HGSNAT: variants seen among roughly 807,000 people sequenced by gnomAD.
HGSNAT encodes transmembrane protein 76.
In HGSNAT, 59 loss-of-function variants were observed where a neutral mutation model predicts 85.2. The ratio of observed to expected loss-of-function variants is 0.69; its 90% CI spans 0.56 to 0.86. HGSNAT has a LOEUF of 0.86. HGSNAT is among the 40% of genes least tolerant of loss of function. HGSNAT has a pLI of 0.00. For missense variants in HGSNAT, 756 were observed against 777.1 expected (o/e 0.97, Z 0.32); for synonymous variants, 321 against 304.5 (o/e 1.05, Z -0.56).
chr8:43,190,474 C>T (rs1198880256), intron 11 of HGSNAT, among the ~76,000 whole-genome samples: 2 of 152,122 alleles, frequency 1.3e-5, no homozygotes, highest in African/African-American at 4.8e-5. Flanking sequence ...AATGTGTCCT[C>T]TGGCTGTGGA....
chr8:43,151,931 A>C (rs1452960913), intron 2 of HGSNAT, among the ~76,000 whole-genome samples: 1 of 152,198 alleles, frequency 6.6e-6, no homozygotes, highest in African/African-American at 2.4e-5. Context: ...CCTAGCTGTT[A>C]GGTGGCAAAG....
intron 11 of HGSNAT, among the ~76,000 whole-genome samples, chr8:43,188,109 C>A (rs954930348): frequency 6.6e-6 from 1 of 152,118 alleles, no homozygotes; most frequent in African/African-American, 2.4e-5. Context: ...GTGAATCTGA[C>A]AATTATGTGT....
chr8:43,182,584 C>T (rs1490400724), intron 11 of HGSNAT, among the ~76,000 whole-genome samples: 2 of 152,074 alleles, frequency 1.3e-5, no homozygotes, highest in Admixed American at 1.3e-4. Flanking sequence ...GCTGGGACTA[C>T]AGGAGCGCAC....
At chr8:43,144,589 A>G (rs1039684730) in intron 1 of HGSNAT, among the ~76,000 whole-genome samples, 2 of 152,280 alleles carry the variant, frequency 1.3e-5, no homozygotes, top group East Asian at 1.9e-4. Flanking sequence ...TTATCCCACT[A>G]TGTCATACTC....
At chr8:43,198,027 T>C in intron 17 of HGSNAT, 75 bp downstream of exon 17, 4 of 1,069,042 alleles carry the variant, frequency 3.7e-6, no homozygotes, top group Non-Finnish European at 5.6e-6. Flanking sequence ...GGAGCATCCT[T>C]GGTGCTGGGG....
chr8:43,188,327 A>G (rs1804397066), intron 11 of HGSNAT, among the ~76,000 whole-genome samples: 1 of 152,036 alleles, frequency 6.6e-6, no homozygotes, highest in African/African-American at 2.4e-5. Context: ...TATTTCTTGG[A>G]GCTTTGTTCA....
chr8:43,144,156 C>CAA (rs1251061241), intron 1 of HGSNAT, among the ~76,000 whole-genome samples: 1 of 150,754 alleles, frequency 6.6e-6, no homozygotes, highest in Admixed American at 6.6e-5. Flanking sequence ...CCTGTGTCTA[C>CAA]AAAAAAAGAC....
chr8:43,197,984 G>T (rs1207168303), intron 17 of HGSNAT, 32 bp downstream of exon 17: 10 of 1,505,088 alleles, frequency 6.6e-6, no homozygotes, highest in Non-Finnish European at 9.2e-6. Context: ...ACAGAGCTGG[G>T]ATGGTGACCA....
rs554146681 is a variant in HGSNAT at position 43,172,378 on chromosome 8, G to A, written c.812G>A (p.Ser271Asn). The A allele has an allele frequency of 9.3e-5, 149 of 1,601,502 alleles. 1 individual carries two copies. The South Asian group carries it at 1.6e-3, about 17-fold the overall frequency. ...AAATATTGGTACTTCAAACATGCAA[G>A]TTGGAATGGTAAGATATTTCCTAAA... Reference protein sequence around the residue: ...GGKYWYFKHASWNGLTVADLV... With the variant: ...GGKYWYFKHANWNGLTVADLV... Residue 271 changes from serine (S) to asparagine (N), a missense_variant, in exon 8 of 18, where the codon AGT becomes AAT. Physicochemically the swap from Ser to Asn is conservative, Grantham distance 46. Transcript: ENST00000379644.
At chr8:43,196,507 C>G (rs781262935) in intron 14 of HGSNAT, 27 of 1,290,074 alleles carry the variant, frequency 2.1e-5, no homozygotes, top group Middle Eastern at 2.1e-4. Flanking sequence ...TCTTTGGGCC[C>G]TGCCTGGAAG....
At chr8:43,172,599 A>AG (rs1360045023) in intron 8 of HGSNAT, among the ~76,000 whole-genome samples, 1 of 152,182 alleles carries the variant, frequency 6.6e-6, no homozygotes, top group African/African-American at 2.4e-5. Context: ...GTGAATCTGT[A>AG]AAGCTTCACT....
At chr8:43,166,229 C>T (rs2130734630) in intron 5 of HGSNAT, among the ~76,000 whole-genome samples, 1 of 152,260 alleles carries the variant, frequency 6.6e-6, no homozygotes, top group African/African-American at 2.4e-5. Flanking sequence ...GCAAGTTATC[C>T]AGAAGATCCA....
At position 43,159,131 on chromosome 8, in the gene HGSNAT, T is replaced by C. The variant is rs1194898914; in HGVS notation, c.493+87T>C. 3 of 1,372,082 alleles carry C rather than the reference T, an allele frequency of 2.2e-6. No individual in the cohort carries two copies. In the African/African-American group the frequency reaches 4.3e-5, roughly 20 times the overall value. The allele number at this position is 1,372,082 out of a possible 1,614,324, so 85.0% of individuals were successfully genotyped here. A position where few individuals can be genotyped will look rare whatever the true frequency, so the allele number is the denominator to read the frequency against. On this transcript the variant is annotated intron_variant, in intron 4 of 17. Coordinates refer to ENST00000379644, the MANE Select transcript of HGSNAT (RefSeq NM_152419.3). ...ACTGTTTGTAAAGCAAAGCAGTCCATGACGCTTTCTGTAGTTGAAAACCTA... is the reference window on the plus strand; with the variant it reads ...ACTGTTTGTAAAGCAAAGCAGTCCACGACGCTTTCTGTAGTTGAAAACCTA...
At chr8:43,199,283 G>A (rs1804839148) in intron 17 of HGSNAT, 105 bp from the exon 18 acceptor site, 1 of 763,470 alleles carries the variant, frequency 1.3e-6, no homozygotes, top group South Asian at 2.0e-5. Context: ...CAATGGAAGT[G>A]CACACTTTCT....
At position 43,192,444 on chromosome 8, in the gene HGSNAT, G is replaced by C. The variant is rs781546106; in HGVS notation, c.1377+14G>C. ...CCATCTTCTGCTGTGAGTGAGACTC[G>C]AGTTCGCTTAGAACTGGAACTCAGG... On this transcript the variant is annotated intron_variant, in intron 13 of 17. Coordinates refer to ENST00000379644, the MANE Select transcript of HGSNAT (RefSeq NM_152419.3). The C allele has an allele frequency of 1.3e-6, 2 of 1,599,684 alleles. No homozygotes were observed. The highest frequency in any genetic ancestry group is 2.2e-5 in the East Asian group (1 of 44,522).
intron 2 of HGSNAT, among the ~76,000 whole-genome samples, chr8:43,150,971 T>A (rs1219833624): frequency 6.6e-6 from 1 of 152,070 alleles, no homozygotes. Context: ...AATGAAAACT[T>A]GTACTTTTTG....
chr8:43,157,615 AAAAGTAC>A (rs548176085), intron 2 of HGSNAT, among the ~76,000 whole-genome samples: 222 of 152,180 alleles, frequency 1.5e-3, no homozygotes, highest in Non-Finnish European at 2.3e-3. Flanking sequence ...ATCTCTACCA[AAAAGTAC>A]AAAAAACTAG....
intron 1 of HGSNAT, among the ~76,000 whole-genome samples, chr8:43,142,914 A>T (rs571457561): frequency 7.9e-5 from 12 of 152,360 alleles, no homozygotes. Flanking sequence ...TACACACAGT[A>T]CTTATTCCAT....
chr8:43,193,008 T>C (rs1002906961), intron 13 of HGSNAT, among the ~76,000 whole-genome samples: 2 of 152,186 alleles, frequency 1.3e-5, no homozygotes, highest in Admixed American at 1.3e-4. Context: ...CCAGCCAATC[T>C]TGGGGGCACC....
Sources: allele counts gnomAD v4.1 joint callset (sites outside exome capture counted in the v4.1 genomes callset), GRCh38; gene constraint gnomAD v4.1.1; transcripts MANE v1.5; gene names NCBI Gene and HGNC (gene_info 2026-07-23, HGNC 2026-07-21).